Variants in PRKD1 observed in about 807,000 individuals in gnomAD.
The protein encoded by PRKD1 is serine/threonine-protein kinase D1.
A neutral mutation model predicts 95.9 loss-of-function variants in PRKD1; 63 were observed. The observed-to-expected ratio is 0.66, with a 90% CI of 0.54 to 0.81. PRKD1 has a LOEUF of 0.81. PRKD1 is among the 30% of genes least tolerant of loss of function. The pLI is 0.00. For synonymous variants in PRKD1, 425 were observed against 423.1 expected, an observed-to-expected ratio of 1.00 and a Z score of -0.05; for missense variants, 1,048 against 1,165.3, an observed-to-expected ratio of 0.90 and a Z score of 1.47.
chr14:29,860,873 G>C (rs1892685693), intron 1 of PRKD1, among the ~76,000 whole-genome samples: 1 of 152,102 alleles, frequency 6.6e-6, no homozygotes, highest in Admixed American at 6.5e-5. Context: ...GACTCCAGGA[G>C]CAACTGACAT....
intron 4 of PRKD1, among the ~76,000 whole-genome samples, chr14:29,658,791 C>G (rs1475550281): frequency 1.3e-5 from 2 of 152,178 alleles, no homozygotes; most frequent in Non-Finnish European, 2.9e-5. Context: ...AATGATGTGG[C>G]ATATTACTTT....
At chr14:29,701,006 A>ACACACACC (rs1555337080) in intron 2 of PRKD1, among the ~76,000 whole-genome samples, 36 of 50,684 alleles carry the variant, frequency 7.1e-4, no homozygotes, top group African/African-American at 3.7e-3. Context: ...ACACACACAC[A>ACACACACC]CCCTGTTGTG....
chr14:29,605,677 C>T (rs1893679131), intron 13 of PRKD1, among the ~76,000 whole-genome samples: 1 of 152,192 alleles, frequency 6.6e-6, no homozygotes, highest in South Asian at 2.1e-4. Context: ...TATAATTTAT[C>T]ATTTTGTATT....
intron 2 of PRKD1, among the ~76,000 whole-genome samples, chr14:29,679,741 T>C (rs1241089660): frequency 6.6e-6 from 1 of 151,518 alleles, no homozygotes; most frequent in Non-Finnish European, 1.5e-5. Flanking sequence ...TTTTTTTTTT[T>C]TTCTGATCTG....
chr14:29,709,643 G>A (rs1442141322), intron 2 of PRKD1, among the ~76,000 whole-genome samples: 2 of 152,150 alleles, frequency 1.3e-5, no homozygotes, highest in Non-Finnish European at 2.9e-5. Context: ...ACCCAGGAGA[G>A]CCAATGGTAT....
intron 1 of PRKD1, among the ~76,000 whole-genome samples, chr14:29,824,687 C>T (rs1029588521): frequency 1.3e-5 from 2 of 152,154 alleles, no homozygotes; most frequent in Admixed American, 6.5e-5. Context: ...GAAATTCACT[C>T]ACTATACTGA....
intron 2 of PRKD1, among the ~76,000 whole-genome samples, chr14:29,719,908 A>ATTTT (rs1885804182): frequency 6.6e-6 from 1 of 152,096 alleles, no homozygotes; most frequent in Non-Finnish European, 1.5e-5. Context: ...AGAGGGGAAA[A>ATTTT]AGTATTCCGT....
At chr14:29,661,045 T>C (rs76974565) in intron 4 of PRKD1, among the ~76,000 whole-genome samples, 2,177 of 152,304 alleles carry the variant, frequency 0.014, 55 homozygotes, top group African/African-American at 0.049. Context: ...CAGTTGAAGT[T>C]TGTCATGTGA....
chr14:29,610,096 T>TC (rs11399819), intron 13 of PRKD1, among the ~76,000 whole-genome samples: 146,775 of 152,198 alleles, frequency 0.96, 70,824 homozygotes, highest in Non-Finnish European at 0.98. Flanking sequence ...TTTTTTCTAG[T>TC]TTTTTTGACT....
At chr14:29,858,321 G>A (rs1277060155) in intron 1 of PRKD1, among the ~76,000 whole-genome samples, 1 of 152,154 alleles carries the variant, frequency 6.6e-6, no homozygotes, top group Non-Finnish European at 1.5e-5. Flanking sequence ...TTACACTACT[G>A]TTGTCCTCAC....
At chr14:29,616,458 C>T in intron 13 of PRKD1, among the ~76,000 whole-genome samples, 1 of 148,500 alleles carries the variant, frequency 6.7e-6, no homozygotes, top group African/African-American at 2.5e-5. Context: ...TTTTTTTTTT[C>T]CAAGAGACAG....
intron 1 of PRKD1, among the ~76,000 whole-genome samples, chr14:29,867,294 T>C (rs542853319): frequency 2.0e-5 from 3 of 152,106 alleles, no homozygotes; most frequent in African/African-American, 7.2e-5. Context: ...CCCATTTACA[T>C]AGTGGTTGGG....
intron 10 of PRKD1, among the ~76,000 whole-genome samples, chr14:29,630,135 C>T (rs1002566380): frequency 6.6e-6 from 1 of 151,608 alleles, no homozygotes; most frequent in Non-Finnish European, 1.5e-5. Flanking sequence ...CTGAAGCTGG[C>T]TAGATTTCTC....
intron 1 of PRKD1, among the ~76,000 whole-genome samples, chr14:29,895,175 G>C (rs919794636): frequency 6.6e-6 from 1 of 152,004 alleles, no homozygotes; most frequent in African/African-American, 2.4e-5. Flanking sequence ...AAATTATCTG[G>C]GCATGGTGGC....
chr14:29,775,102 T>C lies in PRKD1; in HGVS notation c.265-49428A>G, dbSNP rs547315717. Among the ~76,000 whole-genome samples, 8 of 152,220 alleles carry C rather than the reference T, an allele frequency of 5.3e-5. No homozygotes were observed. The South Asian group carries it at 1.5e-3, about 28-fold the overall frequency. On this transcript the variant is annotated intron_variant, in intron 1 of 17. Transcript: ENST00000331968. ...TGGAAGCAGCAGAAACAAATTCTTG[T>C]CTGATTTATGAAAAAAAAAATGAAC...
At chr14:29,827,918 T>C (rs1420489822) in intron 1 of PRKD1, among the ~76,000 whole-genome samples, 1 of 152,084 alleles carries the variant, frequency 6.6e-6, no homozygotes, top group East Asian at 1.9e-4. Flanking sequence ...GATCTTCCTC[T>C]TCCTCCCACT....
intron 16 of PRKD1, among the ~76,000 whole-genome samples, chr14:29,583,603 A>G (rs1187554728): frequency 7.9e-5 from 12 of 152,162 alleles, no homozygotes; most frequent in Admixed American, 7.2e-4. Context: ...GCTTAAGCTC[A>G]ATCCTCTCCT....
In PRKD1 at chr14:29,664,753, A is replaced by G. The variant is rs549113842; in HGVS notation, c.536-894T>C. ...TACAATTGCGCCAGTTTTAAAGATT[A>G]TATCATGGTGTCCTAGCACCTTGAA... On this transcript the variant is annotated intron_variant, in intron 3 of 17. Transcript: ENST00000331968. Among the ~76,000 whole-genome samples, 65 of 152,234 alleles carry G rather than the reference A, an allele frequency of 4.3e-4. 1 individual carries two copies. Among genetic ancestry groups the G allele is most frequent in the Admixed American group, 1.1e-3 (17 of 15,284 alleles).
At chr14:29,807,441 G>A (rs940556048) in intron 1 of PRKD1, among the ~76,000 whole-genome samples, 3 of 151,742 alleles carry the variant, frequency 2.0e-5, no homozygotes, top group African/African-American at 7.3e-5. Context: ...CCATGGCCCA[G>A]GCTGGAGTGC....
Sources: allele counts gnomAD v4.1 joint callset (sites outside exome capture counted in the v4.1 genomes callset), GRCh38; gene constraint gnomAD v4.1.1; transcripts MANE v1.5; gene names NCBI Gene and HGNC (gene_info 2026-07-23, HGNC 2026-07-21).